The following KCNK5 variants were observed in gnomAD, a reference collection of about 807,000 sequenced individuals.
KCNK5 encodes the protein potassium channel subfamily K member 5.
In KCNK5, 18 loss-of-function variants were observed where a neutral mutation model predicts 32.9. The observed-to-expected ratio is 0.55, with a 90% CI of 0.38 to 0.81. KCNK5 has a LOEUF of 0.81. Among genes scored for constraint, KCNK5 ranks in the 30% least tolerant of loss-of-function variants. KCNK5 has a pLI of 0.00. For missense variants in KCNK5, 507 were observed against 651.0 expected (o/e 0.78, Z 2.41); for synonymous variants, 276 against 275.3 (o/e 1.00, Z -0.03).
intron 1 of KCNK5, among the ~76,000 whole-genome samples, chr6:39,206,084 A>G (rs186095500): frequency 3.3e-5 from 5 of 152,328 alleles, no homozygotes; most frequent in Non-Finnish European, 1.5e-5. Flanking sequence ...TGAGGAATCT[A>G]TAGAGAGGCT....
In KCNK5 at chr6:39,191,427, C is replaced by T. The variant is rs199818193; in HGVS notation, c.963G>A (p.Thr321=). 48 of 1,613,216 alleles carry T rather than the reference C, an allele frequency of 3.0e-5. No individual in the cohort carries two copies. Among genetic ancestry groups the T allele is most frequent in the Middle Eastern group, 3.3e-4 (2 of 6,054 alleles). The change falls in exon 5 of 5, where the codon ACG becomes ACA. Residue 321 remains threonine (T), a synonymous_variant. Transcript: ENST00000359534. The surrounding 1 kb of genome is among the most constrained non-coding windows in gnomAD (Gnocchi z 5.8). ...KAMKTSGGGE[T]GPGPGLGPQG... is the part of the protein sequence containing the mutation. ...GAGGCCCCAGCCCTGGGCCCGGGCCCGTCTCCCCACCCCCGCTTGTCTTCA... is the reference window on the plus strand; with the variant it reads ...GAGGCCCCAGCCCTGGGCCCGGGCCTGTCTCCCCACCCCCGCTTGTCTTCA...
Position 39,191,796 on chromosome 6 carries a change from G to A in KCNK5, c.635-41C>T. ...GTCCAGAGGTCAGGAAGAGTTAGCA[G>A]GGCCCGGGAAATGTGCAATGGCCAA... On this transcript the variant is annotated intron_variant, in intron 4 of 4. Transcript: ENST00000359534. This position sits in a 1 kb window ranked among gnomAD's most constrained non-coding sequence, Gnocchi z 5.8. 6.3e-7 allele frequency: 1 copy of A among 1,584,620 alleles called. No homozygotes were observed. The highest frequency in any genetic ancestry group is 8.6e-7 in the Non-Finnish European group (1 of 1,164,172).
At chr6:39,211,942 C>A (rs954835163) in intron 1 of KCNK5, among the ~76,000 whole-genome samples, 3 of 151,214 alleles carry the variant, frequency 2.0e-5, no homozygotes, top group African/African-American at 7.3e-5. Context: ...CCAGCCTGGA[C>A]AACAAGAGCA....
rs1770992750 is a variant in KCNK5, at chr6:39,194,405, G to A, written c.466-68C>T. 3 of 1,527,392 alleles carry A rather than the reference G, an allele frequency of 2.0e-6. No homozygotes were observed. Among genetic ancestry groups the A allele is most frequent in the African/African-American group, 1.4e-5 (1 of 72,430 alleles). 94.6% of individuals were successfully genotyped at this position (1,527,392 alleles called of 1,614,324 possible). A position where few individuals can be genotyped will look rare whatever the true frequency, so the allele number is the denominator to read the frequency against. ...TGGAAACCCAGCAAAGGCACCCAGAGGGCCAGGGAGGCAGCTAGAGGAGAA... is the reference window on the plus strand; with the variant it reads ...TGGAAACCCAGCAAAGGCACCCAGAAGGCCAGGGAGGCAGCTAGAGGAGAA... On this transcript the variant is annotated intron_variant, in intron 3 of 4. Coordinates refer to ENST00000359534, the MANE Select transcript of KCNK5 (RefSeq NM_003740.4). This position sits in a 1 kb window ranked among gnomAD's most constrained non-coding sequence, Gnocchi z 4.7.
At chr6:39,201,111 C>T (rs747933751) in intron 1 of KCNK5, among the ~76,000 whole-genome samples, 11 of 152,262 alleles carry the variant, frequency 7.2e-5, no homozygotes, top group Non-Finnish European at 1.3e-4. Flanking sequence ...CTGCAGGATA[C>T]AGCCTTAACA....
In KCNK5 at chr6:39,202,449, C is replaced by T. The variant is rs144756671; in HGVS notation, c.187-6462G>A. Among the ~76,000 whole-genome samples the T allele has an allele frequency of 1.5e-3, 232 of 152,134 alleles. 2 individuals carry two copies. The highest frequency in any genetic ancestry group is 5.5e-3 in the African/African-American group (227 of 41,496). ...GGATCACCAGGTTGAGAGGAGAGGGCAGGGGGCAGGAGCTGGGGAAGGGGC... is the reference window on the plus strand; with the variant it reads ...GGATCACCAGGTTGAGAGGAGAGGGTAGGGGGCAGGAGCTGGGGAAGGGGC... On this transcript the variant is annotated intron_variant, in intron 1 of 4. Coordinates refer to ENST00000359534, the MANE Select transcript of KCNK5 (RefSeq NM_003740.4).
At chr6:39,219,577 AC>A (rs1445071928) in intron 1 of KCNK5, among the ~76,000 whole-genome samples, 4 of 152,224 alleles carry the variant, frequency 2.6e-5, no homozygotes, top group African/African-American at 9.6e-5. Context: ...TGGCACCCCT[AC>A]CCCTTCCATG....
At chr6:39,204,238 G>C (rs1010543164) in intron 1 of KCNK5, among the ~76,000 whole-genome samples, 7 of 152,228 alleles carry the variant, frequency 4.6e-5, no homozygotes, top group African/African-American at 1.7e-4. Context: ...AAGGCAGGCA[G>C]GCCAAATCAA....
chr6:39,219,674 G>A (rs1340909007), intron 1 of KCNK5, among the ~76,000 whole-genome samples: 2 of 152,174 alleles, frequency 1.3e-5, no homozygotes, highest in Non-Finnish European at 2.9e-5. Flanking sequence ...CAAGAGGCTT[G>A]GCTGCACTGA....
chr6:39,196,226 A>G (rs1275584120), intron 1 of KCNK5, among the ~76,000 whole-genome samples: 1 of 152,186 alleles, frequency 6.6e-6, no homozygotes, highest in Non-Finnish European at 1.5e-5. Context: ...CACTGAGTCA[A>G]TGCTTCTCCA....
chr6:39,219,389 A>G (rs1771502482), intron 1 of KCNK5, among the ~76,000 whole-genome samples: 1 of 152,072 alleles, frequency 6.6e-6, no homozygotes, highest in South Asian at 2.1e-4. Context: ...AGGGGGGTAT[A>G]ATTAGTTCCA....
Position 39,191,742 on chromosome 6 carries a change from G to A in KCNK5, c.648C>T (p.Ser216=), listed in dbSNP as rs755614036. ...AGCGGTACAGGGCGTGGTAGTTGGC[G>A]CTGGGGTTCACACCTGAGCGGACAG... is the stretch of plus-strand genomic sequence containing the variant. ...FGDFVAGVNP[S]ANYHALYRYF... is the part of the protein sequence containing the mutation. The change falls in exon 5 of 5, where the codon AGC becomes AGT. Residue 216 remains serine (S), a synonymous_variant. Coordinates refer to ENST00000359534, the MANE Select transcript of KCNK5 (RefSeq NM_003740.4). This position sits in a 1 kb window ranked among gnomAD's most constrained non-coding sequence, Gnocchi z 5.8. 3.1e-6 allele frequency: 5 copies of A among 1,612,236 alleles called. No homozygotes were observed. Among genetic ancestry groups the A allele is most frequent in the South Asian group, 2.2e-5 (2 of 90,990 alleles).
rs771542549 is a variant in KCNK5 at position 39,191,766 on chromosome 6, A to G, written c.635-11T>C. On this transcript the variant is annotated splice_polypyrimidine_tract_variant and intron_variant, in intron 4 of 4. Coordinates refer to ENST00000359534, the MANE Select transcript of KCNK5 (RefSeq NM_003740.4). The surrounding 1 kb of genome is among the most constrained non-coding windows in gnomAD (Gnocchi z 5.8). ...CGCTGGGGTTCACACCTGAGCGGAC[A>G]GGCAGTCCAGAGGTCAGGAAGAGTT... is the stretch of plus-strand genomic sequence containing the variant. The G allele has an allele frequency of 6.2e-7, 1 of 1,606,776 alleles. No homozygotes were observed. Among genetic ancestry groups the G allele is most frequent in the Non-Finnish European group, 8.5e-7 (1 of 1,175,214 alleles).
In KCNK5 at chr6:39,191,124, G is replaced by C. The variant is rs529782681; in HGVS notation, c.1266C>G (p.Phe422Leu). ...CTGAGAGGCCAGCCTCCGTGTTCAC[G>C]AAGGTGATGCTGGCGTCCTGGAAGA... ...PLIFQDASIT[F>L]VNTEAGLSDE... Residue 422 changes from phenylalanine to leucine, a missense_variant, in exon 5 of 5, where the codon TTC (phenylalanine) becomes TTG (leucine). Transcript: ENST00000359534. This position sits in a 1 kb window ranked among gnomAD's most constrained non-coding sequence, Gnocchi z 5.8. 1.2e-6 allele frequency: 2 copies of C among 1,614,206 alleles called. No individual in the cohort carries two copies.
chr6:39,190,629 T>A lies in KCNK5; in HGVS notation c.*261A>T, dbSNP rs984015107. On this transcript the variant is annotated 3_prime_UTR_variant, in exon 5 of 5. Coordinates refer to ENST00000359534, the MANE Select transcript of KCNK5 (RefSeq NM_003740.4). ...TGCCCACCTGTCCCGCCAGCCAGCA[T>A]GTCTTTGCATTGTGAGATACACCAG... 7 of 366,586 alleles carry A rather than the reference T, an allele frequency of 1.9e-5. No homozygotes were observed. The highest frequency in any genetic ancestry group is 2.9e-5 in the Non-Finnish European group (6 of 205,280). The allele number at this position is 366,586 out of a possible 1,614,324, so 22.7% of individuals were successfully genotyped here. A position where few individuals can be genotyped will look rare whatever the true frequency, so the allele number is the denominator to read the frequency against.
intron 1 of KCNK5, among the ~76,000 whole-genome samples, chr6:39,215,472 G>C (rs1273263040): frequency 6.6e-6 from 1 of 152,224 alleles, no homozygotes. Context: ...CTCCTCCAGA[G>C]AGTCTGTGAA....
chr6:39,202,077 A>G (rs1771141501), intron 1 of KCNK5, among the ~76,000 whole-genome samples: 1 of 152,310 alleles, frequency 6.6e-6, no homozygotes, highest in Non-Finnish European at 1.5e-5. Flanking sequence ...CTTCATGGGG[A>G]CAGGGCCTTT....
chr6:39,223,012 T>TA (rs1447887528), intron 1 of KCNK5, among the ~76,000 whole-genome samples: 1 of 152,178 alleles, frequency 6.6e-6, no homozygotes, highest in Non-Finnish European at 1.5e-5. Context: ...GTGGCTAAAA[T>TA]GGTAAATTAT....
chr6:39,222,532 T>C (rs543931604), intron 1 of KCNK5, among the ~76,000 whole-genome samples: 1 of 152,350 alleles, frequency 6.6e-6, no homozygotes, highest in Non-Finnish European at 1.5e-5. Context: ...TCAAATTCCT[T>C]GGCAACCCAG....
Sources: gnomAD v4.1 joint callset for allele counts (sites outside exome capture counted in the v4.1 genomes callset) on GRCh38, gnomAD v4.1.1 for gene constraint, Gnocchi (gnomAD v3.1) non-coding constraint, MANE v1.5 for transcripts, NCBI Gene and HGNC (gene_info 2026-07-23, HGNC 2026-07-21) for gene names.